Variants in ICE2 observed in about 807,000 individuals in gnomAD.
The protein encoded by ICE2 is little elongation complex subunit 2.
Under a neutral mutation model 105.4 loss-of-function variants are expected in ICE2, and 87 were observed. The ratio of observed to expected loss-of-function variants is 0.83; its 90% confidence interval spans 0.69 to 0.99. The LOEUF (loss-of-function observed/expected upper bound fraction) is 0.99. Ranked by LOEUF, ICE2 falls within the 50% of genes least tolerant of loss-of-function variation. The pLI, the probability that ICE2 is intolerant of heterozygous loss-of-function variation, is 0.00. For synonymous variants in ICE2, 399 were observed against 392.0 expected, an observed-to-expected ratio of 1.02 and a Z score of -0.21; for missense variants, 1,323 against 1,146.7, an observed-to-expected ratio of 1.15 and a Z score of -2.22.
intron 5 of ICE2, among the ~76,000 whole-genome samples, chr15:60,464,324 T>C (rs1364386522): frequency 2.7e-5 from 4 of 149,710 alleles, no homozygotes; most frequent in South Asian, 2.2e-4. Flanking sequence ...GTTCTAGTCA[T>C]TGGAAGACCA....
intron 3 of ICE2, among the ~76,000 whole-genome samples, chr15:60,471,659 CA>C (rs2064598029): frequency 6.6e-6 from 1 of 152,062 alleles, no homozygotes. Context: ...GGGTGTAAAC[CA>C]AAAGCATCTG....
At chr15:60,461,499 C>T (rs995388888) in intron 5 of ICE2, among the ~76,000 whole-genome samples, 1 of 151,950 alleles carries the variant, frequency 6.6e-6, no homozygotes, top group Non-Finnish European at 1.5e-5. Context: ...AAAAGGGAGG[C>T]TTTAGTATTT....
intron 12 of ICE2, chr15:60,441,894 AG>A (rs2063727897): frequency 6.6e-6 from 1 of 152,250 alleles, no homozygotes; most frequent in African/African-American, 2.4e-5. Flanking sequence ...TGTCATTATA[AG>A]AAAATTTCAA....
chr15:60,477,069 A>G (rs2064782248), intron 2 of ICE2, among the ~76,000 whole-genome samples: 1 of 152,212 alleles, frequency 6.6e-6, no homozygotes, highest in African/African-American at 2.4e-5. Context: ...TATTTGCTCC[A>G]TACTCTTCTC....
Position 60,466,715 on chromosome 15 carries a change from T to C in ICE2, c.409-2A>G, listed in dbSNP as rs750510559. 5 of 1,593,200 alleles carry C rather than the reference T, an allele frequency of 3.1e-6. No individual in the cohort carries two copies. The highest frequency in any genetic ancestry group is 4.3e-6 in the Non-Finnish European group (5 of 1,173,546). ...TTCGTTCACATGTTTTTTCATATCC[T>C]GATTTTTAAAAAAGTAGACATGTCT... On this transcript the variant is annotated splice_acceptor_variant, in intron 4 of 15. Coordinates refer to ENST00000261520, the MANE Select transcript of ICE2 (RefSeq NM_024611.6). LOFTEE classifies it high-confidence loss of function.
chr15:60,455,641 T>C (rs925391392), intron 6 of ICE2, among the ~76,000 whole-genome samples, 199 bp from the exon 7 acceptor site: 15 of 151,364 alleles, frequency 9.9e-5, no homozygotes, highest in Admixed American at 7.2e-4. Context: ...TTTTTGAGAC[T>C]AAGTCTCACT....
intron 9 of ICE2, chr15:60,452,780 T>C (rs2063996562): frequency 3.8e-6 from 3 of 783,948 alleles, no homozygotes; most frequent in Non-Finnish European, 4.6e-6. Context: ...GGTAATATCA[T>C]GATGCCCATT....
intron 11 of ICE2, among the ~76,000 whole-genome samples, chr15:60,445,155 T>A (rs537645886): frequency 1.3e-5 from 2 of 152,278 alleles, no homozygotes; most frequent in South Asian, 4.1e-4. Context: ...AGAGATGAGG[T>A]TCTTGGACAG....
intron 11 of ICE2, among the ~76,000 whole-genome samples, chr15:60,446,994 G>C (rs2063836047): frequency 1.3e-5 from 2 of 151,958 alleles, no homozygotes. Context: ...TTATTTACCA[G>C]AACTCAGTAG....
chr15:60,452,066 TTTTCATCCCTTTTAACC>T (rs1555411773), intron 9 of ICE2: 3 of 984,796 alleles, frequency 3.0e-6, no homozygotes, highest in Non-Finnish European at 3.6e-6. Context: ...CCACTGTCAA[TTTTCATCCCTTTTAACC>T]TACCTCATGT....
intron 13 of ICE2, among the ~76,000 whole-genome samples, chr15:60,435,185 G>C (rs1360945018): frequency 6.6e-6 from 1 of 152,190 alleles, no homozygotes; most frequent in Non-Finnish European, 1.5e-5. Context: ...GGAGGCTGAG[G>C]CAGGAGAATG....
chr15:60,455,014 A>G lies in ICE2; in HGVS notation c.932T>C (p.Ile311Thr). Residue 311 changes from isoleucine to threonine, a missense_variant, in exon 8 of 16, where the codon ATA becomes ACA. Coordinates refer to ENST00000261520, the MANE Select transcript of ICE2 (RefSeq NM_024611.6). ...AGCAAATTACAAACCTGCAACAGGT[A>G]TTACTTGAATACACACTGGAATTTC... ...QWEIPVCIQV[I>T]PVAGSKPVKV... The G allele has an allele frequency of 1.9e-6, 3 of 1,556,370 alleles. No homozygotes were observed. The highest frequency in any genetic ancestry group is 2.6e-6 in the Non-Finnish European group (3 of 1,160,902).
In ICE2 at chr15:60,447,929, A is replaced by G. The variant is rs2290429; in HGVS notation, c.2295+41T>C. On this transcript the variant is annotated intron_variant, in intron 11 of 15. Coordinates refer to ENST00000261520, the MANE Select transcript of ICE2 (RefSeq NM_024611.6). ...ATGGCATGTTAAGTATCTATTGATT[A>G]TTTATGTGATCATATTCTAACTCCG... 113 of 1,496,660 alleles carry G rather than the reference A, an allele frequency of 7.6e-5. No individual in the cohort carries two copies. The East Asian group carries it at 2.5e-3, about 34-fold the overall frequency. The allele number at this position is 1,496,660 out of a possible 1,614,324, so 92.7% of individuals were successfully genotyped here.
In ICE2 at chr15:60,479,130, C is replaced by G; in HGVS notation, c.-220G>C. 3 of 411,570 alleles carry G rather than the reference C, an allele frequency of 7.3e-6. No homozygotes were observed. The highest frequency in any genetic ancestry group is 5.1e-6 in the Non-Finnish European group (1 of 197,198). 25.5% of individuals were successfully genotyped at this position (411,570 alleles called of 1,614,324 possible). On this transcript the variant is annotated 5_prime_UTR_variant, in exon 1 of 16. Coordinates refer to ENST00000261520, the MANE Select transcript of ICE2 (RefSeq NM_024611.6). ...AAGGATGTGGCCGCGCCGACTCGGC[C>G]CTGCGTGATGACGTCTCAGCGACAT...
Position 60,420,843 on chromosome 15 carries a change from A to C in ICE2, c.*2791T>G, listed in dbSNP as rs931817789. On this transcript the variant is annotated 3_prime_UTR_variant, in exon 16 of 16. Transcript: ENST00000261520. ...CCACTAGAATGTGATCTCCTGAAAA[A>C]AAAAATCTTTGATACCTACACATTC... 2.0e-5 allele frequency: 3 copies of C among 152,222 alleles called. No individual in the cohort carries two copies. The highest frequency in any genetic ancestry group is 7.2e-5 in the African/African-American group (3 of 41,448). 9.4% of individuals were successfully genotyped at this position (152,222 alleles called of 1,614,324 possible). A position where few individuals can be genotyped will look rare whatever the true frequency, so the allele number is the denominator to read the frequency against.
chr15:60,423,631 T>G lies in ICE2; in HGVS notation c.*3A>C. 1 of 1,605,536 alleles carries G rather than the reference T, an allele frequency of 6.2e-7. No homozygotes were observed. On this transcript the variant is annotated 3_prime_UTR_variant, in exon 16 of 16. Coordinates refer to ENST00000261520, the MANE Select transcript of ICE2 (RefSeq NM_024611.6). ...TTAAATTTAGTTTTCCATGGTACAGTCCTCAAGTTATTTTTCTTTTATGTG... is the reference window on the plus strand; with the variant it reads ...TTAAATTTAGTTTTCCATGGTACAGGCCTCAAGTTATTTTTCTTTTATGTG...
At position 60,431,926 on chromosome 15, in the gene ICE2, ATACT is replaced by A. The variant is rs758985724; in HGVS notation, c.2561+4_2561+7del. On this transcript the variant is annotated splice_donor_5th_base_variant and intron_variant, in intron 14 of 15. Transcript: ENST00000261520. ...TGTATCAAAGCAAAATGCCTAAAAAATACTTACCTACTTAGTTTCTTTAGAATGT... is the reference window on the plus strand; with the variant it reads ...TGTATCAAAGCAAAATGCCTAAAAAATACCTACTTAGTTTCTTTAGAATGT... The A allele has an allele frequency of 7.5e-7, 1 of 1,338,132 alleles. No homozygotes were observed. The highest frequency in any genetic ancestry group is 1.3e-5 in the South Asian group (1 of 78,396). The allele number at this position is 1,338,132 out of a possible 1,614,324, so 82.9% of individuals were successfully genotyped here.
chr15:60,436,829 C>T (rs1400976656), intron 12 of ICE2, among the ~76,000 whole-genome samples: 4 of 150,302 alleles, frequency 2.7e-5, no homozygotes, highest in Non-Finnish European at 1.5e-5. Context: ...TATGTTAATA[C>T]ATATTAACAT....
intron 3 of ICE2, among the ~76,000 whole-genome samples, chr15:60,469,494 T>C (rs531668726): frequency 6.6e-6 from 1 of 152,184 alleles, no homozygotes; most frequent in South Asian, 2.1e-4. Flanking sequence ...TAATAAGAGC[T>C]AGTGAAGGCC....
Sources: allele counts gnomAD v4.1 joint callset (sites outside exome capture counted in the v4.1 genomes callset), GRCh38; gene constraint gnomAD v4.1.1; transcripts MANE v1.5; gene names NCBI Gene and HGNC (gene_info 2026-07-23, HGNC 2026-07-21).